Variants in UBR3 observed in about 807,000 individuals in gnomAD.
UBR3 encodes ubiquitin protein ligase E3 component n-recognin 3.
In UBR3, 85 loss-of-function variants were observed where a neutral mutation model predicts 243.2. The observed-to-expected ratio is 0.35, with a 90% CI of 0.29 to 0.42. UBR3 has a LOEUF of 0.42. Ranked by LOEUF, UBR3 falls within the 10% of genes least tolerant of loss-of-function variation. The pLI, the probability that UBR3 is intolerant of heterozygous loss-of-function variation, is 1.00. For missense variants in UBR3, 1,686 were observed against 2,300.8 expected, an observed-to-expected ratio of 0.73 and a Z score of 5.47; for synonymous variants, 748 against 799.8, an observed-to-expected ratio of 0.94 and a Z score of 1.09.
chr2:169,853,047 T>G (rs2082718591), intron 1 of UBR3, among the ~76,000 whole-genome samples: 1 of 152,182 alleles, frequency 6.6e-6, no homozygotes, highest in Admixed American at 6.5e-5. Flanking sequence ...GAATGTAAAT[T>G]TTTTAATAGC....
chr2:169,920,258 T>A (rs1348295913), intron 11 of UBR3, among the ~76,000 whole-genome samples: 1 of 151,940 alleles, frequency 6.6e-6, no homozygotes, highest in African/African-American at 2.4e-5. Flanking sequence ...TAGGTGGGAA[T>A]TGAACAATGA....
At chr2:169,929,752 C>T (rs557144788) in intron 18 of UBR3, among the ~76,000 whole-genome samples, 3 of 152,318 alleles carry the variant, frequency 2.0e-5, no homozygotes, top group Non-Finnish European at 4.4e-5. Flanking sequence ...TTGATTTACA[C>T]AGTCTTTTTT....
chr2:170,071,711 G>A (rs1358359096), intron 35 of UBR3, among the ~76,000 whole-genome samples: 1 of 152,112 alleles, frequency 6.6e-6, no homozygotes, highest in East Asian at 1.9e-4. Flanking sequence ...TTCTCAGCCT[G>A]CATATAATTT....
At chr2:169,994,294 G>A in intron 25 of UBR3, 29 bp from the exon 26 acceptor site, 1 of 1,611,788 alleles carries the variant, frequency 6.2e-7, no homozygotes. Flanking sequence ...GATTATTTTT[G>A]ATTAATGAGC....
intron 24 of UBR3, among the ~76,000 whole-genome samples, chr2:169,978,073 A>G (rs2088544438): frequency 6.6e-6 from 1 of 152,126 alleles, no homozygotes; most frequent in Admixed American, 6.5e-5. Flanking sequence ...GTGGTGTTCA[A>G]CATCAGCAAT....
intron 1 of UBR3, among the ~76,000 whole-genome samples, chr2:169,846,688 C>T (rs1007707944): frequency 9.8e-5 from 14 of 143,506 alleles, no homozygotes; most frequent in Admixed American, 8.0e-4. Context: ...CTAGCCTGGG[C>T]AACAGGGCAA....
At chr2:170,025,504 G>A (rs989927190) in intron 30 of UBR3, among the ~76,000 whole-genome samples, 6 of 152,124 alleles carry the variant, frequency 3.9e-5, no homozygotes, top group African/African-American at 1.2e-4. Flanking sequence ...AAGAAAAGAA[G>A]GAAGGTTAAG....
At chr2:169,877,380 A>T in intron 3 of UBR3, 114 bp from the exon 4 acceptor site, 1 of 922,530 alleles carries the variant, frequency 1.1e-6, no homozygotes, top group Non-Finnish European at 1.6e-6. Flanking sequence ...TATTCATTCT[A>T]GGGCTCCCAC....
chr2:169,999,533 G>A (rs1412587171), intron 26 of UBR3, among the ~76,000 whole-genome samples: 2 of 152,226 alleles, frequency 1.3e-5, no homozygotes, highest in Admixed American at 6.5e-5. Flanking sequence ...TTTTAAGCAT[G>A]TAAGTACATG....
At position 169,949,923 on chromosome 2, in the gene UBR3, G is replaced by A. The variant is rs538348281; in HGVS notation, c.3403G>A (p.Val1135Met). 7.2e-5 allele frequency: 116 copies of A among 1,613,498 alleles called. 1 individual carries two copies. Among genetic ancestry groups the A allele is most frequent in the South Asian group, 6.0e-4 (55 of 91,024 alleles). ...KYSHGDGITA[V>M]ERILLKAASQ... is the part of the protein sequence containing the mutation. ...CAGTCATGGAGATGGTATAACTGCC[G>A]TGGAAAGAATTTTACTAAAAGCTGC... Residue 1135 changes from valine (V) to methionine (M), a missense_variant, in exon 23 of 39, where the codon GTG becomes ATG. Physicochemically the swap from Val to Met is conservative, Grantham distance 21. Transcript: ENST00000272793.
At chr2:170,048,420 G>A (rs2091140494) in intron 32 of UBR3, among the ~76,000 whole-genome samples, 1 of 152,172 alleles carries the variant, frequency 6.6e-6, no homozygotes, top group Non-Finnish European at 1.5e-5. Context: ...AACCCATGAA[G>A]AGGCATGAAG....
At chr2:169,850,211 C>T (rs2105292137) in intron 1 of UBR3, among the ~76,000 whole-genome samples, 1 of 124,102 alleles carries the variant, frequency 8.1e-6, no homozygotes, top group Admixed American at 1.0e-4. Flanking sequence ...CAGGGTCTCA[C>T]TCTTTCACCC....
At chr2:169,884,156 CTT>C (rs757405113) in intron 5 of UBR3, among the ~76,000 whole-genome samples, 15 of 130,370 alleles carry the variant, frequency 1.2e-4, no homozygotes, top group Non-Finnish European at 6.6e-5. Flanking sequence ...GGAGAGCTGA[CTT>C]TTTTTTTTTT....
At chr2:169,953,608 C>T (rs946375839) in intron 23 of UBR3, among the ~76,000 whole-genome samples, 2 of 152,230 alleles carry the variant, frequency 1.3e-5, no homozygotes, top group East Asian at 1.9e-4. Flanking sequence ...GCAATAATCT[C>T]GATTAAGAAA....
intron 19 of UBR3, among the ~76,000 whole-genome samples, chr2:169,933,751 A>G (rs1159427529): frequency 6.6e-6 from 1 of 152,180 alleles, no homozygotes; most frequent in African/African-American, 2.4e-5. Context: ...TCAAAGTGAA[A>G]CTTCTCTTTT....
chr2:169,950,614 T>C, intron 23 of UBR3, among the ~76,000 whole-genome samples: 1 of 148,540 alleles, frequency 6.7e-6, no homozygotes, highest in East Asian at 1.9e-4. Context: ...CTTTTGACTT[T>C]CTTGAAAAAA....
In UBR3 at chr2:170,064,291, T is replaced by G. The variant is rs148628837; in HGVS notation, c.5019+2848T>G. On this transcript the variant is annotated intron_variant, in intron 35 of 38. Coordinates refer to ENST00000272793, the MANE Select transcript of UBR3 (RefSeq NM_172070.4). ...TTTGTGGAATAGAAATTTTTCAGTT[T>G]AATGTTGTTAGAACGATTACCTTTT... Among the ~76,000 whole-genome samples the G allele has an allele frequency of 2.9e-3, 446 of 152,294 alleles. 3 individuals carry two copies. Among genetic ancestry groups the G allele is most frequent in the African/African-American group, 9.9e-3 (411 of 41,570 alleles).
At chr2:169,977,273 A>G (rs1048314957) in intron 24 of UBR3, among the ~76,000 whole-genome samples, 22 of 152,136 alleles carry the variant, frequency 1.4e-4, no homozygotes, top group African/African-American at 4.8e-4. Context: ...TTCAAAATCT[A>G]TATTAGGTTT....
chr2:170,036,717 A>G (rs1456691163), intron 31 of UBR3, among the ~76,000 whole-genome samples: 1 of 152,038 alleles, frequency 6.6e-6, no homozygotes, highest in Non-Finnish European at 1.5e-5. Flanking sequence ...AATTATATGA[A>G]TGATTCTCCA....
Sources: allele counts gnomAD v4.1 joint callset (sites outside exome capture counted in the v4.1 genomes callset), GRCh38; gene constraint gnomAD v4.1.1; transcripts MANE v1.5; gene names NCBI Gene and HGNC (gene_info 2026-07-23, HGNC 2026-07-21).